The following CPSF3 variants were observed in gnomAD, a reference collection of about 807,000 sequenced individuals.
CPSF3 encodes cleavage and polyadenylation specific factor 3.
In CPSF3, 57 loss-of-function variants were observed where a neutral mutation model predicts 84.1. The ratio of observed to expected loss-of-function variants is 0.68; its 90% CI spans 0.55 to 0.85. The LOEUF (loss-of-function observed/expected upper bound fraction) is 0.85. Ranked by LOEUF, CPSF3 falls within the 40% of genes least tolerant of loss-of-function variation. The pLI, the probability that CPSF3 is intolerant of heterozygous loss-of-function variation, is 0.00. For missense variants in CPSF3, 522 were observed against 838.8 expected (o/e 0.62, Z 4.66); for synonymous variants, 275 against 278.1 (o/e 0.99, Z 0.11).
intron 6 of CPSF3, 117 bp from the exon 7 acceptor site, chr2:9,436,094 A>G: frequency 1.2e-6 from 1 of 843,258 alleles, no homozygotes; most frequent in Non-Finnish European, 1.8e-6. Flanking sequence ...TGTTCGAGTA[A>G]ATGACATGCT....
At chr2:9,461,743 CTTTTTTTTT>C (rs530424404) in intron 15 of CPSF3, among the ~76,000 whole-genome samples, 2 of 105,276 alleles carry the variant, frequency 1.9e-5, no homozygotes, top group South Asian at 3.4e-4. Flanking sequence ...GAAGGAGGAT[CTTTTTTTTT>C]TTTTTTTTTT....
intron 16 of CPSF3, among the ~76,000 whole-genome samples, chr2:9,469,743 T>C (rs1045536793): frequency 2.0e-5 from 3 of 152,136 alleles, no homozygotes; most frequent in Admixed American, 2.0e-4. Context: ...GAGGTTCCCA[T>C]GTCCTTAAAC....
intron 15 of CPSF3, among the ~76,000 whole-genome samples, chr2:9,463,613 A>G (rs1208743653): frequency 6.6e-6 from 1 of 152,224 alleles, no homozygotes; most frequent in African/African-American, 2.4e-5. Context: ...CAAAGGTGAC[A>G]AGTATTGCAA....
At chr2:9,459,277 T>C (rs1681641093) in intron 14 of CPSF3, among the ~76,000 whole-genome samples, 1 of 152,240 alleles carries the variant, frequency 6.6e-6, no homozygotes. Flanking sequence ...CGTGCTGTTA[T>C]GAAAATTAAA....
At chr2:9,472,065 A>G (rs1428229544) in intron 17 of CPSF3, among the ~76,000 whole-genome samples, 2 of 150,374 alleles carry the variant, frequency 1.3e-5, no homozygotes, top group African/African-American at 4.9e-5. Context: ...TGTAATCCCA[A>G]CACTTTGGGA....
chr2:9,428,721 T>C, intron 1 of CPSF3, 44 bp from the exon 2 acceptor site: 1 of 1,407,502 alleles, frequency 7.1e-7, no homozygotes, highest in Non-Finnish European at 1.0e-6. Flanking sequence ...GACTTGGTTT[T>C]GATTTTTTTT....
rs776102023 is a variant in CPSF3, at chr2:9,457,027, A to C, written c.1698A>C (p.Glu566Asp). 1 of 1,549,866 alleles carries C rather than the reference A, an allele frequency of 6.5e-7. No homozygotes were observed. Among genetic ancestry groups the C allele is most frequent in the Middle Eastern group, 1.7e-4 (1 of 5,882 alleles). Residue 566 changes from glutamate to aspartate, a missense_variant and splice_region_variant, in exon 14 of 18, where the codon GAA (glutamate) becomes GAC (aspartate). Glu to Asp is a conservative substitution (Grantham distance 45). This residue lies in a region of CPSF3 where 193 missense variants were observed against 231.6 expected (regional missense o/e 0.83). Transcript: ENST00000238112. The stretch of plus-strand genomic sequence containing the variant: ...AAGAACCAGGCATGGTGGTATTAGA[A>C]GTAAGAAAAGATCATTTACCTAAAC... ...VIQEPGMVVL[E>D]WLANPSNDMY... is the part of the protein sequence containing the mutation.
At chr2:9,440,728 G>C in intron 8 of CPSF3, 62 bp downstream of exon 8, 2 of 1,544,396 alleles carry the variant, frequency 1.3e-6, no homozygotes, top group Non-Finnish European at 1.8e-6. Flanking sequence ...AGTAGTAGGA[G>C]GTACGAGGCC....
At chr2:9,462,014 C>G (rs1681742682) in intron 15 of CPSF3, among the ~76,000 whole-genome samples, 1 of 152,074 alleles carries the variant, frequency 6.6e-6, no homozygotes, top group African/African-American at 2.4e-5. Context: ...CCTGTGTTGA[C>G]CTCCCAAGGT....
chr2:9,430,793 A>C lies in CPSF3; in HGVS notation c.254A>C (p.Gln85Pro). Reference protein sequence around the residue: ...DHCGALPWFLQKTSFKGRTFM... With the variant: ...DHCGALPWFLPKTSFKGRTFM... ...TGTGGAGCTCTGCCCTGGTTTCTAC[A>C]GAAGACAAGTTTCAAAGGAAGAACA... Residue 85 changes from glutamine (Q) to proline (P), a missense_variant, in exon 4 of 18, where the codon CAG becomes CCG. Physicochemically the swap from Gln to Pro is moderately conservative, Grantham distance 76 (BLOSUM62 -1). Transcript: ENST00000238112. The C allele has an allele frequency of 1.2e-6, 2 of 1,613,894 alleles. No homozygotes were observed. Among genetic ancestry groups the C allele is most frequent in the Non-Finnish European group, 1.7e-6 (2 of 1,179,802 alleles).
At chr2:9,440,856 A>G (rs368766424) in intron 8 of CPSF3, among the ~76,000 whole-genome samples, 190 bp downstream of exon 8, 2 of 152,250 alleles carry the variant, frequency 1.3e-5, no homozygotes, top group South Asian at 4.1e-4. Flanking sequence ...TCTCTATCAA[A>G]ATAAAATAAA....
Position 9,430,002 on chromosome 2 carries a change from A to G in CPSF3, c.194A>G (p.Asp65Gly). The change falls in exon 3 of 18, where the codon GAT (aspartate) becomes GGT (glycine). Residue 65 changes from aspartate to glycine, a missense_variant. Around this residue, in one of 2 missense-constraint regions of CPSF3, gnomAD observed 329 missense variants for 607.2 expected, o/e 0.54. Coordinates refer to ENST00000238112, the MANE Select transcript of CPSF3 (RefSeq NM_016207.4). ...GATTTAATTGACCCAGCTGAGATTGATCTCCTATTAATTAGTCAGTAAGTT... is the reference window on the plus strand; with the variant it reads ...GATTTAATTGACCCAGCTGAGATTGGTCTCCTATTAATTAGTCAGTAAGTT... Reference protein sequence around the residue: ...YIDLIDPAEIDLLLISHFHLD... With the variant: ...YIDLIDPAEIGLLLISHFHLD... 1 of 1,569,280 alleles carries G rather than the reference A, an allele frequency of 6.4e-7. No individual in the cohort carries two copies. Among genetic ancestry groups the G allele is most frequent in the Non-Finnish European group, 8.6e-7 (1 of 1,160,102 alleles).
rs1270791666 is a variant in CPSF3 at position 9,452,987 on chromosome 2, T to C, written c.1470T>C (p.Phe490=). The change falls in exon 12 of 18, where the codon TTT becomes TTC. Residue 490 remains phenylalanine, a synonymous_variant. Coordinates refer to ENST00000238112, the MANE Select transcript of CPSF3 (RefSeq NM_016207.4). ...CAGGAATACTTGTTAAAAGAAACTT[T>C]AATTATCACATACTTTCTCCTTGCG... The part of the protein sequence containing the change: ...RVSGILVKRN[F]NYHILSPCDL... 1.2e-6 allele frequency: 2 copies of C among 1,610,810 alleles called. No homozygotes were observed. The highest frequency in any genetic ancestry group is 1.7e-6 in the Non-Finnish European group (2 of 1,178,844).
intron 11 of CPSF3, among the ~76,000 whole-genome samples, chr2:9,450,775 A>G (rs543369398): frequency 2.6e-4 from 39 of 152,292 alleles, no homozygotes; most frequent in Admixed American, 2.2e-3. Context: ...GCAACAGAGC[A>G]AGACTCCGTC....
At chr2:9,430,117 G>A (rs1680529546) in intron 3 of CPSF3, 97 bp downstream of exon 3, 13 of 722,040 alleles carry the variant, frequency 1.8e-5, no homozygotes, top group Middle Eastern at 2.5e-4. Flanking sequence ...TTAAAAGAGT[G>A]TTTTCTGCTA....
intron 15 of CPSF3, among the ~76,000 whole-genome samples, chr2:9,463,818 C>G (rs1215207974): frequency 6.6e-6 from 1 of 152,214 alleles, no homozygotes; most frequent in Non-Finnish European, 1.5e-5. Flanking sequence ...GCCGTGCGCA[C>G]TGGTTCATCA....
At chr2:9,447,348 G>A (rs1300570401) in intron 10 of CPSF3, among the ~76,000 whole-genome samples, 9 of 150,862 alleles carry the variant, frequency 6.0e-5, no homozygotes, top group African/African-American at 1.2e-4. Context: ...GCATGGTGGC[G>A]TGTGCCTGTA....
Position 9,457,018 on chromosome 2 carries a change from G to T in CPSF3, c.1689G>T (p.Val563=), listed in dbSNP as rs763824415. The T allele has an allele frequency of 1.3e-6, 2 of 1,574,716 alleles. No individual in the cohort carries two copies. Among genetic ancestry groups the T allele is most frequent in the Admixed American group, 3.6e-5 (2 of 55,772 alleles). ...NITVIQEPGM[V]VLEWLANPSN... ...CTGTAATACAAGAACCAGGCATGGT[G>T]GTATTAGAAGTAAGAAAAGATCATT... Residue 563 remains valine (V), a synonymous_variant, in exon 14 of 18, where the codon GTG becomes GTT. Coordinates refer to ENST00000238112, the MANE Select transcript of CPSF3 (RefSeq NM_016207.4).
intron 8 of CPSF3, 104 bp downstream of exon 8, chr2:9,440,770 C>A: frequency 8.8e-7 from 1 of 1,142,444 alleles, no homozygotes. Flanking sequence ...TAATTTAGCA[C>A]TTTGGGAGTC....
Sources: allele counts gnomAD v4.1 joint callset (sites outside exome capture counted in the v4.1 genomes callset), GRCh38; gene constraint gnomAD v4.1.1; regional missense constraint gnomAD v4.1.1; transcripts MANE v1.5; gene names NCBI Gene and HGNC (gene_info 2026-07-23, HGNC 2026-07-21).